AGO3: variants seen among roughly 807,000 people sequenced by gnomAD.
The protein encoded by AGO3 is protein argonaute-3.
In AGO3, 16 loss-of-function variants were observed where a neutral mutation model predicts 105.5. The observed-to-expected ratio is 0.15, with a 90% CI of 0.10 to 0.23. AGO3 has a LOEUF of 0.23. Among genes scored for constraint, AGO3 ranks in the 10% least tolerant of loss-of-function variants. The pLI, the probability that AGO3 is intolerant of heterozygous loss-of-function variation, is 1.00. For missense variants in AGO3, 534 were observed against 1,088.0 expected (o/e 0.49, Z 7.16); for synonymous variants, 340 against 367.3 (o/e 0.93, Z 0.85).
At chr1:35,984,126 A>G (rs1647114974) in intron 5 of AGO3, among the ~76,000 whole-genome samples, 1 of 152,230 alleles carries the variant, frequency 6.6e-6, no homozygotes, top group Non-Finnish European at 1.5e-5. Context: ...ACAAGGCAAT[A>G]TGAGACACCA....
At chr1:35,945,342 C>T (rs987811454) in intron 1 of AGO3, among the ~76,000 whole-genome samples, 1 of 152,020 alleles carries the variant, frequency 6.6e-6, no homozygotes, top group Non-Finnish European at 1.5e-5. Context: ...CATGAGCCAC[C>T]ATGCCCTGCC....
chr1:36,010,829 C>A (rs1200698602), intron 9 of AGO3, among the ~76,000 whole-genome samples: 1 of 150,328 alleles, frequency 6.7e-6, no homozygotes, highest in Non-Finnish European at 1.5e-5. Flanking sequence ...TCGCTTGAAC[C>A]CGGGAGGCGC....
intron 2 of AGO3, among the ~76,000 whole-genome samples, chr1:35,953,086 T>C (rs1033334441): frequency 1.3e-5 from 2 of 152,224 alleles, no homozygotes; most frequent in Non-Finnish European, 2.9e-5. Flanking sequence ...TGATATCATA[T>C]GATAACTCTA....
intron 12 of AGO3, among the ~76,000 whole-genome samples, chr1:36,032,856 G>A (rs910027162): frequency 6.6e-6 from 1 of 152,162 alleles, no homozygotes; most frequent in East Asian, 1.9e-4. Flanking sequence ...TGGGCGTAGT[G>A]GCTCATGCCT....
chr1:36,023,713 G>C (rs1426979380), intron 11 of AGO3, among the ~76,000 whole-genome samples: 2 of 152,064 alleles, frequency 1.3e-5, no homozygotes, highest in Non-Finnish European at 2.9e-5. Flanking sequence ...AAACCTTTAG[G>C]CCAAACTTTA....
intron 5 of AGO3, among the ~76,000 whole-genome samples, chr1:35,988,962 T>C (rs543293999): frequency 2.6e-5 from 4 of 152,238 alleles, no homozygotes; most frequent in Admixed American, 6.5e-5. Context: ...ACATTTCCTT[T>C]TTGCTTTTGC....
chr1:35,971,899 G>A, intron 3 of AGO3, 125 bp from the exon 4 acceptor site: 2 of 849,236 alleles, frequency 2.4e-6, no homozygotes, highest in South Asian at 3.8e-5. Flanking sequence ...AAAAAAAATG[G>A]TATATTTTAG....
intron 5 of AGO3, among the ~76,000 whole-genome samples, chr1:35,991,070 G>C (rs551624004): frequency 6.6e-6 from 1 of 152,150 alleles, no homozygotes; most frequent in Non-Finnish European, 1.5e-5. Flanking sequence ...ATGGGAGGCC[G>C]AGGTGGGCGG....
chr1:36,017,839 G>A (rs937049451), intron 11 of AGO3, among the ~76,000 whole-genome samples: 1 of 151,964 alleles, frequency 6.6e-6, no homozygotes, highest in African/African-American at 2.4e-5. Context: ...GGAGGCAGAG[G>A]TTGCAGTGAG....
chr1:36,050,707 G>A (rs746929174), intron 17 of AGO3, among the ~76,000 whole-genome samples: 8 of 148,322 alleles, frequency 5.4e-5, no homozygotes, highest in African/African-American at 1.0e-4. Context: ...CAGGAGAATC[G>A]CTTGAACCCA....
chr1:35,984,045 A>G (rs1647112663), intron 5 of AGO3, among the ~76,000 whole-genome samples: 1 of 152,230 alleles, frequency 6.6e-6, no homozygotes, highest in South Asian at 2.1e-4. Context: ...GAAACAGGAA[A>G]GAGGAGGATA....
chr1:36,020,446 T>C (rs1641157320), intron 11 of AGO3, among the ~76,000 whole-genome samples: 1 of 152,204 alleles, frequency 6.6e-6, no homozygotes, highest in African/African-American at 2.4e-5. Flanking sequence ...TCAATATGGT[T>C]CTGGTAATTC....
In AGO3 at chr1:35,931,328, G is replaced by T; in HGVS notation, c.-99G>T. The T allele has an allele frequency of 8.5e-7, 1 of 1,176,000 alleles. No individual in the cohort carries two copies. The highest frequency in any genetic ancestry group is 1.1e-6 in the Non-Finnish European group (1 of 889,354). The allele number at this position is 1,176,000 out of a possible 1,614,324, so 72.8% of individuals were successfully genotyped here. On this transcript the variant is annotated 5_prime_UTR_variant, in exon 1 of 19. Transcript: ENST00000373191. Reference sequence around the variant, plus strand: ...CCGCCCCCGCCTCGGGGCCGAGTGAGAGTGCCCGTCGCGTCGCGCCGCGTC... The same window carrying T: ...CCGCCCCCGCCTCGGGGCCGAGTGATAGTGCCCGTCGCGTCGCGCCGCGTC...
intron 17 of AGO3, among the ~76,000 whole-genome samples, chr1:36,050,513 C>T (rs1557714774): frequency 6.6e-6 from 1 of 151,312 alleles, no homozygotes; most frequent in African/African-American, 2.4e-5. Context: ...AAATAATTGC[C>T]GGGTGTGGTA....
At chr1:35,995,209 A>AAAAAAT (rs1237315557) in intron 5 of AGO3, among the ~76,000 whole-genome samples, 78 of 114,738 alleles carry the variant, frequency 6.8e-4, no homozygotes, top group African/African-American at 2.8e-3. Flanking sequence ...TAAAAAAAAA[A>AAAAAAT]ATATATATAT....
At chr1:36,018,424 G>A (rs1486054260) in intron 11 of AGO3, among the ~76,000 whole-genome samples, 1 of 151,916 alleles carries the variant, frequency 6.6e-6, no homozygotes, top group Non-Finnish European at 1.5e-5. Flanking sequence ...TTCTCTGTGT[G>A]TGAGGGTTTT....
intron 4 of AGO3, among the ~76,000 whole-genome samples, chr1:35,972,477 C>T (rs1436233412): frequency 1.3e-5 from 2 of 152,174 alleles, no homozygotes; most frequent in Non-Finnish European, 2.9e-5. Flanking sequence ...AAATATCTCA[C>T]CCTTTCTCTT....
At chr1:35,997,016 G>A (rs564207482) in intron 5 of AGO3, among the ~76,000 whole-genome samples, 3 of 152,092 alleles carry the variant, frequency 2.0e-5, no homozygotes, top group Non-Finnish European at 4.4e-5. Context: ...AGTGGCTCTC[G>A]CCTGTGATCT....
At chr1:36,028,528 G>C (rs1641618579) in intron 12 of AGO3, among the ~76,000 whole-genome samples, 1 of 151,198 alleles carries the variant, frequency 6.6e-6, no homozygotes, top group Non-Finnish European at 1.5e-5. Flanking sequence ...AGTTTACTGA[G>C]AATGATGATT....
Sources: gnomAD v4.1 joint callset for allele counts (sites outside exome capture counted in the v4.1 genomes callset) on GRCh38, gnomAD v4.1.1 for gene constraint, MANE v1.5 for transcripts, NCBI Gene and HGNC (gene_info 2026-07-23, HGNC 2026-07-21) for gene names.